The following CNTN1 variants were observed in gnomAD, a reference collection of about 807,000 sequenced individuals.
CNTN1 encodes the protein contactin 1.
A neutral mutation model predicts 126.4 loss-of-function variants in CNTN1; 38 were observed. That is an observed-to-expected ratio of 0.30 (90% CI 0.23 to 0.39). CNTN1 has a LOEUF of 0.39. Among genes scored for constraint, CNTN1 ranks in the 10% least tolerant of loss-of-function variants. The probability of loss-of-function intolerance (pLI) is 1.00; values close to 1 mark genes in which losing one functional copy is unlikely to be tolerated. For synonymous variants in CNTN1, 413 were observed against 422.6 expected, an observed-to-expected ratio of 0.98 and a Z score of 0.28; for missense variants, 1,009 against 1,248.4, an observed-to-expected ratio of 0.81 and a Z score of 2.89.
intron 23 of CNTN1, among the ~76,000 whole-genome samples, chr12:41,039,485 T>A (rs1949347012): frequency 1.3e-5 from 2 of 152,176 alleles, no homozygotes; most frequent in Non-Finnish European, 2.9e-5. Context: ...GAATTATATA[T>A]TAAAACAGAA....
chr12:40,926,320 G>A (rs907263694), intron 6 of CNTN1, among the ~76,000 whole-genome samples: 2 of 151,958 alleles, frequency 1.3e-5, no homozygotes, highest in Non-Finnish European at 2.9e-5. Flanking sequence ...CCTGAAGGAA[G>A]TAAAGGAGCT....
At chr12:40,937,970 T>A (rs1946137335) in intron 11 of CNTN1, among the ~76,000 whole-genome samples, 1 of 152,150 alleles carries the variant, frequency 6.6e-6, no homozygotes, top group African/African-American at 2.4e-5. Context: ...ACCCCAGACC[T>A]ACTGAATGGA....
At chr12:40,772,186 C>T (rs572317897) in intron 1 of CNTN1, among the ~76,000 whole-genome samples, 2 of 152,094 alleles carry the variant, frequency 1.3e-5, no homozygotes, top group East Asian at 3.9e-4. Flanking sequence ...GAATTATTCA[C>T]ATAATTCGGA....
chr12:40,971,812 A>G, intron 15 of CNTN1: 2 of 1,158,550 alleles, frequency 1.7e-6, no homozygotes, highest in Non-Finnish European at 2.1e-6. Flanking sequence ...TATATAGCCC[A>G]GAAATTAGCT....
chr12:40,747,726 T>C (rs1042070622), intron 1 of CNTN1, among the ~76,000 whole-genome samples: 1 of 152,090 alleles, frequency 6.6e-6, no homozygotes, highest in African/African-American at 2.4e-5. Context: ...CACGGAGTGG[T>C]AAGAAAAATT....
rs1261930057 is a variant in CNTN1, at chr12:40,954,499, A to G, written c.1684-4615A>G. On this transcript the variant is annotated intron_variant, in intron 14 of 23. Transcript: ENST00000551295. ...TGCTTACCTCAAAAAAAATTTTAAT[A>G]TAAGTAATAAAATAACATCTTTTAC... Among the ~76,000 whole-genome samples the G allele has an allele frequency of 4.6e-5, 7 of 152,244 alleles. No homozygotes were observed. In the East Asian group the frequency reaches 7.7e-4, roughly 17 times the overall value.
chr12:40,848,096 G>A (rs992321092), intron 1 of CNTN1, among the ~76,000 whole-genome samples: 3 of 152,094 alleles, frequency 2.0e-5, no homozygotes, highest in Non-Finnish European at 2.9e-5. Context: ...CATACCACTC[G>A]GCAGCCTGGG....
At chr12:40,904,225 A>G (rs1944722037) in intron 1 of CNTN1, among the ~76,000 whole-genome samples, 2 of 151,728 alleles carry the variant, frequency 1.3e-5, no homozygotes, top group South Asian at 4.2e-4. Flanking sequence ...TCACTGTGTT[A>G]GCCAGGATGG....
At position 40,793,320 on chromosome 12, in the gene CNTN1, G is replaced by A. The variant is rs180915887; in HGVS notation, c.-77+100728G>A. Among the ~76,000 whole-genome samples the A allele has an allele frequency of 2.3e-3, 354 of 151,974 alleles. 1 individual carries two copies. The highest frequency in any genetic ancestry group is 0.01 in the Middle Eastern group (3 of 294). ...AGTCCCACACTTTATGCATAGTTCC[G>A]GTGTCCATATGCACATTAAGAGAAA... On this transcript the variant is annotated intron_variant, in intron 1 of 23. Coordinates refer to ENST00000551295, the MANE Select transcript of CNTN1 (RefSeq NM_001843.4).
At position 40,910,053 on chromosome 12, in the gene CNTN1, GT is replaced by G. The variant is rs771287941; in HGVS notation, c.62-14del. 2 of 1,589,140 alleles carry G rather than the reference GT, an allele frequency of 1.3e-6. No homozygotes were observed. The highest frequency in any genetic ancestry group is 1.7e-6 in the Non-Finnish European group (2 of 1,158,828). Reference sequence around the variant, plus strand: ...AAATAATTGCTTCAGGATCAAAATTGTTTTTTCTTTCATTTTTAGAGTTTAC... The same window carrying G: ...AAATAATTGCTTCAGGATCAAAATTGTTTTTCTTTCATTTTTAGAGTTTAC... On this transcript the variant is annotated intron_variant, in intron 2 of 23. Transcript: ENST00000551295.
chr12:40,699,935 G>A (rs1941553666), intron 1 of CNTN1, among the ~76,000 whole-genome samples: 1 of 152,112 alleles, frequency 6.6e-6, no homozygotes, highest in Non-Finnish European at 1.5e-5. Context: ...CAACAATCTT[G>A]ATAATAATAA....
At position 40,782,411 on chromosome 12, in the gene CNTN1, C is replaced by T. The variant is rs911730017; in HGVS notation, c.-77+89819C>T. Among the ~76,000 whole-genome samples, 4 of 151,888 alleles carry T rather than the reference C, an allele frequency of 2.6e-5. No homozygotes were observed. In the East Asian group the frequency reaches 7.7e-4, roughly 29 times the overall value. On this transcript the variant is annotated intron_variant, in intron 1 of 23. Coordinates refer to ENST00000551295, the MANE Select transcript of CNTN1 (RefSeq NM_001843.4). ...TAATAGTCAAAACAACAACTTAAAA[C>T]TTCTTAGGGATTAAAATGCAACTGA... is the stretch of plus-strand genomic sequence containing the variant.
In CNTN1 at chr12:40,710,981, G is replaced by A. The variant is rs1057216212; in HGVS notation, c.-77+18389G>A. Among the ~76,000 whole-genome samples, 4 of 151,668 alleles carry A rather than the reference G, an allele frequency of 2.6e-5. No homozygotes were observed. In the East Asian group the frequency reaches 7.7e-4, roughly 29 times the overall value. ...TGCTTTGGAACCTCTTCTAGAAGAA[G>A]ACACTAATACTTATATTGCTAAAAA... On this transcript the variant is annotated intron_variant, in intron 1 of 23. Transcript: ENST00000551295.
chr12:40,783,916 T>C (rs2136454199), intron 1 of CNTN1, among the ~76,000 whole-genome samples: 1 of 152,292 alleles, frequency 6.6e-6, no homozygotes, highest in East Asian at 1.9e-4. Flanking sequence ...AATTAATTTC[T>C]TTATACTGAC....
chr12:40,773,889 G>A (rs944940014), intron 1 of CNTN1, among the ~76,000 whole-genome samples: 1 of 151,154 alleles, frequency 6.6e-6, no homozygotes, highest in Non-Finnish European at 1.5e-5. Flanking sequence ...TTTAGTATTG[G>A]ACACAGAACT....
At chr12:40,772,621 T>A (rs895173752) in intron 1 of CNTN1, among the ~76,000 whole-genome samples, 2 of 151,922 alleles carry the variant, frequency 1.3e-5, no homozygotes, top group South Asian at 4.1e-4. Context: ...AAAATAAATA[T>A]AAGTATCATT....
intron 15 of CNTN1, among the ~76,000 whole-genome samples, chr12:40,965,695 G>A (rs61924392): frequency 2.0e-5 from 3 of 152,100 alleles, no homozygotes; most frequent in Non-Finnish European, 2.9e-5. Context: ...CCACAGGACC[G>A]CATGTTGCCA....
rs1328534406 is a variant in CNTN1, at chr12:41,039,250, A to G, written c.2980+10031A>G. On this transcript the variant is annotated intron_variant, in intron 23 of 23. Coordinates refer to ENST00000551295, the MANE Select transcript of CNTN1 (RefSeq NM_001843.4). ...TGAATGGTGGTGCAAATCTCTGTGA[A>G]TCTCTGGAAACAGGGGGATCAGTTA... Among the ~76,000 whole-genome samples, 23 of 152,150 alleles carry G rather than the reference A, an allele frequency of 1.5e-4. 1 individual carries two copies. Among genetic ancestry groups the G allele is most frequent in the Admixed American group, 1.5e-3 (23 of 15,258 alleles).
At chr12:40,800,954 A>G (rs980944731) in intron 1 of CNTN1, among the ~76,000 whole-genome samples, 5 of 151,604 alleles carry the variant, frequency 3.3e-5, no homozygotes, top group African/African-American at 9.7e-5. Flanking sequence ...CATAAGAATG[A>G]GTAAGTTTGG....
Sources: gnomAD v4.1 joint callset for allele counts (sites outside exome capture counted in the v4.1 genomes callset) on GRCh38, gnomAD v4.1.1 for gene constraint, MANE v1.5 for transcripts, NCBI Gene and HGNC (gene_info 2026-07-23, HGNC 2026-07-21) for gene names.